Variants in FBXW12 observed in about 807,000 individuals in gnomAD.
The protein encoded by FBXW12 is F-box/WD repeat-containing protein 12.
A neutral mutation model predicts 55.3 loss-of-function variants in FBXW12; 43 were observed. The ratio of observed to expected loss-of-function variants is 0.78; its 90% confidence interval spans 0.61 to 1.00. FBXW12 has a LOEUF of 1.00. Ranked by LOEUF, FBXW12 falls within the 50% of genes least tolerant of loss-of-function variation. The pLI is 0.00. For missense variants in FBXW12, 524 were observed against 560.5 expected, an observed-to-expected ratio of 0.93 and a Z score of 0.66; for synonymous variants, 184 against 203.8, an observed-to-expected ratio of 0.90 and a Z score of 0.83.
rs772351377 is a variant in FBXW12 at position 48,394,576 on chromosome 3, A to C, written c.1312A>C (p.Met438Leu). ...CATTGACAGCTGCATCTCCAGTGTGATGTGTGATAATGCAAGCATAGTACT... is the reference window on the plus strand; with the variant it reads ...CATTGACAGCTGCATCTCCAGTGTGCTGTGTGATAATGCAAGCATAGTACT... The part of the protein sequence containing the change: ...HTTDSCISSV[M>L]CDNASIVLRV... The change falls in exon 11 of 11, where the codon ATG becomes CTG. Residue 438 changes from methionine (M) to leucine (L), a missense_variant. Physicochemically the swap from Met to Leu is conservative, Grantham distance 15 (BLOSUM62 2). Transcript: ENST00000296438. 2 of 1,599,972 alleles carry C rather than the reference A, an allele frequency of 1.3e-6. No homozygotes were observed. Among genetic ancestry groups the C allele is most frequent in the Admixed American group, 1.7e-5 (1 of 57,660 alleles).
chr3:48,372,614 C>G, intron 1 of FBXW12, 70 bp from the exon 2 acceptor site: 1 of 1,536,346 alleles, frequency 6.5e-7, no homozygotes, highest in Admixed American at 1.9e-5. Flanking sequence ...TGGAGGTCAG[C>G]CCGGGAGTCT....
intron 10 of FBXW12, among the ~76,000 whole-genome samples, chr3:48,390,406 CTTTTTTTTTT>C (rs71625870): frequency 6.9e-5 from 4 of 57,940 alleles, no homozygotes; most frequent in African/African-American, 1.5e-4. Context: ...AGGATTTCCT[CTTTTTTTTTT>C]TTTTTTTTTT....
At position 48,379,544 on chromosome 3, in the gene FBXW12, C is replaced by T. The variant is rs765756862; in HGVS notation, c.760C>T (p.Arg254Cys). 2.0e-5 allele frequency: 33 copies of T among 1,613,800 alleles called. No individual in the cohort carries two copies. Among genetic ancestry groups the T allele is most frequent in the African/African-American group, 2.7e-5 (2 of 74,932 alleles). ...GGTATTTGCATGTGGGACATACAGTCGTACCTTGCCACAGGTAGGTGCTGT... is the reference window on the plus strand; with the variant it reads ...GGTATTTGCATGTGGGACATACAGTTGTACCTTGCCACAGGTAGGTGCTGT... ...KWVFACGTYS[R>C]TLPQVFLTES... The change falls in exon 7 of 11, where the codon CGT becomes TGT. Residue 254 changes from arginine to cysteine, a missense_variant. Coordinates refer to ENST00000296438, the MANE Select transcript of FBXW12 (RefSeq NM_207102.2).
rs919698263 is a variant in FBXW12, at chr3:48,372,321, G to T, written c.-85+1G>T. 3.2e-6 allele frequency: 5 copies of T among 1,552,260 alleles called. No individual in the cohort carries two copies. Among genetic ancestry groups the T allele is most frequent in the Admixed American group, 3.9e-5 (2 of 51,014 alleles). On this transcript the variant is annotated splice_donor_variant, in intron 1 of 10. Coordinates refer to ENST00000296438, the MANE Select transcript of FBXW12 (RefSeq NM_207102.2). LOFTEE classifies it low-confidence loss of function (5UTR_SPLICE). ...CACTCACCAGATTCAAGATCCCAAG[G>T]TAGGCACAGACACAGGGCAAGCAGA...
chr3:48,386,989 G>T (rs183445824), intron 10 of FBXW12, among the ~76,000 whole-genome samples: 4 of 150,212 alleles, frequency 2.7e-5, no homozygotes, highest in Non-Finnish European at 5.9e-5. Flanking sequence ...CCAGGCTGGA[G>T]TGCAATGGCA....
intron 6 of FBXW12, 35 bp downstream of exon 6, chr3:48,378,561 A>G (rs1210644812): frequency 4.4e-6 from 7 of 1,573,802 alleles, no homozygotes; most frequent in South Asian, 3.3e-5. Context: ...GGACCAAAAA[A>G]TCAAATGCCT....
chr3:48,394,413 G>A lies in FBXW12; in HGVS notation c.1296-147G>A, dbSNP rs530281899. ...TCAGTGTAACTTTCCCTGATTTTATGTAGTTATTCAAAACCAAATCTAAGA... is the reference window on the plus strand; with the variant it reads ...TCAGTGTAACTTTCCCTGATTTTATATAGTTATTCAAAACCAAATCTAAGA... On this transcript the variant is annotated intron_variant, in intron 10 of 10. Coordinates refer to ENST00000296438, the MANE Select transcript of FBXW12 (RefSeq NM_207102.2). 179 of 578,550 alleles carry A rather than the reference G, an allele frequency of 3.1e-4. 1 individual carries two copies. The Middle Eastern group carries it at 3.6e-3, about 12-fold the overall frequency. 35.8% of individuals were successfully genotyped at this position (578,550 alleles called of 1,614,324 possible). A position where few individuals can be genotyped will look rare whatever the true frequency, so the allele number is the denominator to read the frequency against.
chr3:48,393,739 C>T (rs2036963488), intron 10 of FBXW12, among the ~76,000 whole-genome samples: 2 of 151,964 alleles, frequency 1.3e-5, no homozygotes, highest in Admixed American at 1.3e-4. Context: ...GCCTGGGCAA[C>T]ATGCTGAGAC....
chr3:48,373,271 CTGAT>C (rs1416759147), intron 2 of FBXW12, 33 bp from the exon 3 acceptor site: 2 of 1,614,004 alleles, frequency 1.2e-6, no homozygotes, highest in East Asian at 2.2e-5. Context: ...TCTGATGTAA[CTGAT>C]TGCCTGCTTG....
At chr3:48,379,830 G>A (rs2036740670) in intron 7 of FBXW12, 3 of 388,848 alleles carry the variant, frequency 7.7e-6, no homozygotes, top group Non-Finnish European at 1.4e-5. Context: ...AAGAAATAGG[G>A]ATTGCTGGGC....
In FBXW12 at chr3:48,380,931, G is replaced by T. The variant is rs756214758; in HGVS notation, c.985+19G>T. 3.1e-6 allele frequency: 5 copies of T among 1,603,272 alleles called. No homozygotes were observed. In the Admixed American group the frequency reaches 5.0e-5, roughly 16 times the overall value. ...ATCCAAGGTAGGCTGTGCCACATTA[G>T]AAACGCTTGTTTCTCTTCCTCATCA... On this transcript the variant is annotated intron_variant, in intron 8 of 10. Transcript: ENST00000296438.
chr3:48,386,760 ATTTAT>A (rs1453921831), intron 10 of FBXW12, among the ~76,000 whole-genome samples: 1 of 151,930 alleles, frequency 6.6e-6, no homozygotes, highest in Admixed American at 6.6e-5. Flanking sequence ...GATTTTCTTC[ATTTAT>A]TTTATTGGAT....
chr3:48,393,089 G>A (rs1202221185), intron 10 of FBXW12, among the ~76,000 whole-genome samples: 3 of 148,012 alleles, frequency 2.0e-5, no homozygotes, highest in African/African-American at 7.5e-5. Context: ...TCCACCTCCC[G>A]GTTTCAAGCA....
At chr3:48,393,661 C>T (rs1255921802) in intron 10 of FBXW12, among the ~76,000 whole-genome samples, 8 of 152,138 alleles carry the variant, frequency 5.3e-5, no homozygotes, top group South Asian at 2.1e-4. Flanking sequence ...CAATGGCTCA[C>T]GCCTGTAATC....
intron 10 of FBXW12, among the ~76,000 whole-genome samples, chr3:48,391,167 C>T (rs2036920982): frequency 6.7e-6 from 1 of 149,806 alleles, no homozygotes; most frequent in Non-Finnish European, 1.5e-5. Context: ...ACTGGTGGTC[C>T]CAGCTACACA....
rs6784322 is a variant in FBXW12 at position 48,380,745 on chromosome 3, T to A, written c.818T>A (p.Val273Asp). ...TTACTGAGACCATCAGAAGGCAGTGTTCCTCTGTCTACCTTTCTCCCACAT... is the reference window on the plus strand; with the variant it reads ...TTACTGAGACCATCAGAAGGCAGTGATCCTCTGTCTACCTTTCTCCCACAT... ...ESLLRPSEGS[V>D]PLSTFLPHKL... Residue 273 changes from valine (V) to aspartate (D), a missense_variant, in exon 8 of 11, where the codon GTT becomes GAT. Transcript: ENST00000296438. 707,524 of 1,612,698 alleles carry A rather than the reference T, an allele frequency of 0.44. 157,534 individuals carry two copies. The highest frequency in any genetic ancestry group is 0.46 in the Non-Finnish European group (546,281 of 1,178,864).
At chr3:48,394,083 A>G (rs2036970905) in intron 10 of FBXW12, among the ~76,000 whole-genome samples, 1 of 151,838 alleles carries the variant, frequency 6.6e-6, no homozygotes. Context: ...GGCCTACAAG[A>G]TAATATTTTT....
In FBXW12 at chr3:48,380,723, C is replaced by T; in HGVS notation, c.796C>T (p.Leu266=). 6.2e-7 allele frequency: 1 copy of T among 1,613,832 alleles called. No individual in the cohort carries two copies. The highest frequency in any genetic ancestry group is 8.5e-7 in the Non-Finnish European group (1 of 1,179,698). ...TTAGGTATTCCTCACAGAGTCCTTA[C>T]TGAGACCATCAGAAGGCAGTGTTCC... is the stretch of plus-strand genomic sequence containing the variant. ...LPQVFLTESL[L]RPSEGSVPLS... The change falls in exon 8 of 11, where the codon CTG becomes TTG. Residue 266 remains leucine (L), a synonymous_variant. Coordinates refer to ENST00000296438, the MANE Select transcript of FBXW12 (RefSeq NM_207102.2).
intron 3 of FBXW12, 62 bp from the exon 4 acceptor site, chr3:48,373,486 C>T (rs1364190158): frequency 8.7e-6 from 14 of 1,602,832 alleles, no homozygotes; most frequent in African/African-American, 1.3e-5. Flanking sequence ...GTGATATAAC[C>T]GGGGCTCTGA....
Sources: gnomAD v4.1 joint callset for allele counts (sites outside exome capture counted in the v4.1 genomes callset) on GRCh38, gnomAD v4.1.1 for gene constraint, MANE v1.5 for transcripts, NCBI Gene and HGNC (gene_info 2026-07-23, HGNC 2026-07-21) for gene names.